The following MYO6 variants were observed in gnomAD, a reference collection of about 807,000 sequenced individuals.
The protein encoded by MYO6 is unconventional myosin-VI.
MYO6 carries 74 observed loss-of-function variants against 178.7 expected under a neutral mutation model. That is an observed-to-expected ratio of 0.41 (90% CI 0.34 to 0.50). MYO6 has a LOEUF of 0.50. Ranked by LOEUF, MYO6 falls within the 20% of genes least tolerant of loss-of-function variation. The probability of loss-of-function intolerance (pLI) is 0.09; values close to 1 mark genes in which losing one functional copy is unlikely to be tolerated. For missense variants in MYO6, 1,330 were observed against 1,547.4 expected (o/e 0.86, Z 2.36); for synonymous variants, 477 against 504.6 (o/e 0.95, Z 0.73).
At chr6:75,888,083 A>T (rs192399716) in intron 25 of MYO6, among the ~76,000 whole-genome samples, 2 of 151,954 alleles carry the variant, frequency 1.3e-5, no homozygotes, top group East Asian at 3.9e-4. Flanking sequence ...TGAGGTCAGG[A>T]GGTTGAGACC....
chr6:75,771,336 G>C lies in MYO6; in HGVS notation c.-48+21913G>C, dbSNP rs531513817. Among the ~76,000 whole-genome samples the C allele has an allele frequency of 7.2e-4, 109 of 152,096 alleles. 3 individuals carry two copies. The Middle Eastern group carries it at 0.017, about 24-fold the overall frequency. On this transcript the variant is annotated intron_variant, in intron 1 of 34. Coordinates refer to ENST00000369977, the MANE Select transcript of MYO6 (RefSeq NM_004999.4). ...TCTTAATAAAAAGGATTCTTCAAAGGGTTTTTTTTAGTGGCCTCCACTAAA... is the reference window on the plus strand; with the variant it reads ...TCTTAATAAAAAGGATTCTTCAAAGCGTTTTTTTTAGTGGCCTCCACTAAA...
intron 23 of MYO6, among the ~76,000 whole-genome samples, chr6:75,883,319 A>G (rs558722988): frequency 7.6e-6 from 1 of 131,198 alleles, no homozygotes; most frequent in East Asian, 2.0e-4. Context: ...AGGCAGTTGC[A>G]TGGAGATAGT....
chr6:75,869,626 T>C (rs1256642341), intron 18 of MYO6, among the ~76,000 whole-genome samples: 5 of 152,126 alleles, frequency 3.3e-5, no homozygotes, highest in Admixed American at 2.6e-4. Context: ...AAAATCCAGA[T>C]AGAAAAATTT....
In MYO6 at chr6:75,830,322, A is replaced by C; in HGVS notation, c.262-94A>C. On this transcript the variant is annotated intron_variant, in intron 4 of 34. Coordinates refer to ENST00000369977, the MANE Select transcript of MYO6 (RefSeq NM_004999.4). ...GGAGTCTTAGTTATATAGATAATTG[A>C]AATTTTTTGTATTTTATTTTTTCTA... The C allele has an allele frequency of 2.5e-6, 3 of 1,222,710 alleles. No individual in the cohort carries two copies. In the South Asian group the frequency reaches 3.9e-5, roughly 16 times the overall value. 75.7% of individuals were successfully genotyped at this position (1,222,710 alleles called of 1,614,324 possible).
chr6:75,867,087 C>T lies in MYO6; in HGVS notation c.1926C>T (p.Ser642=), dbSNP rs184784079. The T allele has an allele frequency of 1.5e-5, 25 of 1,612,940 alleles. No homozygotes were observed. The highest frequency in any genetic ancestry group is 1.3e-4 in the Admixed American group (8 of 59,954). Residue 642 remains serine (S), a synonymous_variant, in exon 18 of 35, where the codon AGC becomes AGT. Transcript: ENST00000369977. The stretch of plus-strand genomic sequence containing the variant: ...AAGCAGGAAAACTTAGCTTCATCAG[C>T]GTGGGAAACAAGTTTAAGGTATTTG... ...KQKAGKLSFI[S]VGNKFKTQLN...
intron 1 of MYO6, among the ~76,000 whole-genome samples, chr6:75,781,074 A>G (rs1480878798): frequency 6.6e-6 from 1 of 152,126 alleles, no homozygotes; most frequent in African/African-American, 2.4e-5. Flanking sequence ...CAGCCTCCCA[A>G]AGTGCTGGGA....
intron 1 of MYO6, among the ~76,000 whole-genome samples, chr6:75,812,660 G>GT (rs34395763): frequency 0.28 from 41,600 of 148,596 alleles, 6,551 homozygotes; most frequent in African/African-American, 0.44. Context: ...AATTGTTTCA[G>GT]TTTTTTTTTT....
intron 18 of MYO6, among the ~76,000 whole-genome samples, chr6:75,869,357 G>T (rs971789004): frequency 4.6e-5 from 7 of 151,992 alleles, no homozygotes; most frequent in African/African-American, 1.4e-4. Flanking sequence ...ATGAAATTTG[G>T]TGTCAGGCCG....
intron 1 of MYO6, among the ~76,000 whole-genome samples, chr6:75,772,273 C>T (rs148614963): frequency 7.0e-4 from 106 of 152,084 alleles, no homozygotes; most frequent in Admixed American, 9.8e-4. Flanking sequence ...ATTCTATGTT[C>T]GGAGATGTAG....
chr6:75,843,142 T>C (rs1401107607), intron 9 of MYO6, among the ~76,000 whole-genome samples: 2 of 152,202 alleles, frequency 1.3e-5, no homozygotes, highest in African/African-American at 4.8e-5. Context: ...AGTGTGTTAG[T>C]GATTTCATCA....
intron 1 of MYO6, among the ~76,000 whole-genome samples, chr6:75,787,112 A>G (rs1583071122): frequency 6.6e-6 from 1 of 152,206 alleles, no homozygotes; most frequent in Non-Finnish European, 1.5e-5. Context: ...AAAGATGCCT[A>G]TGCAATGACA....
chr6:75,801,852 A>G (rs1023421506), intron 1 of MYO6, among the ~76,000 whole-genome samples: 1 of 151,804 alleles, frequency 6.6e-6, no homozygotes, highest in Non-Finnish European at 1.5e-5. Flanking sequence ...GAGGCAGGAG[A>G]ATCACTTGAA....
chr6:75,855,770 C>T (rs1329547152), intron 12 of MYO6, among the ~76,000 whole-genome samples: 2 of 151,966 alleles, frequency 1.3e-5, no homozygotes, highest in Non-Finnish European at 2.9e-5. Flanking sequence ...TAGATTGTAC[C>T]TGGATGTTTT....
At position 75,889,654 on chromosome 6, in the gene MYO6, C is replaced by T. The variant is rs1444116665; in HGVS notation, c.2659-403C>T. Among the ~76,000 whole-genome samples the T allele has an allele frequency of 4.6e-5, 7 of 152,202 alleles. No individual in the cohort carries two copies. In the East Asian group the frequency reaches 1.3e-3, roughly 29 times the overall value. On this transcript the variant is annotated intron_variant, in intron 25 of 34. Coordinates refer to ENST00000369977, the MANE Select transcript of MYO6 (RefSeq NM_004999.4). ...TCTCGAACTCCTGACCTCAGGTGAT[C>T]TGTCCACCTTGGCCTCCCAAAGGGC...
rs2149343993 is a variant in MYO6, at chr6:75,880,103, T to G, written c.2269T>G (p.Phe757Val). 1 of 1,609,468 alleles carries G rather than the reference T, an allele frequency of 6.2e-7. No individual in the cohort carries two copies. The highest frequency in any genetic ancestry group is 8.5e-7 in the Non-Finnish European group (1 of 1,177,822). Residue 757 changes from phenylalanine to valine, a missense_variant, in exon 22 of 35, where the codon TTT becomes GTT. Coordinates refer to ENST00000369977, the MANE Select transcript of MYO6 (RefSeq NM_004999.4). ...NDYKFGLTKV[F>V]FRPGKFAEFD... ...CTACAAGTTTGGGTTAACCAAAGTA[T>G]TTTTTAGACCTGGCAAGGTAAATAT...
intron 3 of MYO6, among the ~76,000 whole-genome samples, chr6:75,823,991 TA>T (rs1772176782): frequency 6.6e-6 from 1 of 152,244 alleles, no homozygotes; most frequent in African/African-American, 2.4e-5. Flanking sequence ...TCTGATTAAA[TA>T]ATACATTTTT....
At chr6:75,848,043 A>T (rs148197836) in intron 10 of MYO6, among the ~76,000 whole-genome samples, 1 of 152,224 alleles carries the variant, frequency 6.6e-6, no homozygotes, top group East Asian at 1.9e-4. Flanking sequence ...TTTTTCTAAT[A>T]TGCTAGGATT....
Position 75,866,971 on chromosome 6 carries a change from T to A in MYO6, c.1810T>A (p.Ser604Thr), listed in dbSNP as rs1007889880. ...GAAAAATAATGATGCTTTACATATG[T>A]CTCTTGAATCCTTAATATGTGAATC... Reference protein sequence around the residue: ...VEKNNDALHMSLESLICESRD... With the variant: ...VEKNNDALHMTLESLICESRD... Residue 604 changes from serine to threonine, a missense_variant, in exon 18 of 35, where the codon TCT (serine) becomes ACT (threonine). Ser to Thr is a moderately conservative substitution (Grantham distance 58, BLOSUM62 1). This residue lies in a region of MYO6 where 613 missense variants were observed against 816.8 expected (regional missense o/e 0.75). Transcript: ENST00000369977. The A allele has an allele frequency of 6.2e-7, 1 of 1,613,972 alleles. No homozygotes were observed.
chr6:75,756,914 CAT>C lies in MYO6; in HGVS notation c.-48+7499_-48+7500del, dbSNP rs1554189698. 1.1e-4 allele frequency among the ~76,000 whole-genome samples: 15 copies of C among 134,092 alleles called. 1 individual carries two copies. Among genetic ancestry groups the C allele is most frequent in the African/African-American group, 4.1e-4 (13 of 31,736 alleles). 88.0% of individuals were successfully genotyped at this position (134,092 alleles called of 152,430 possible). A position where few individuals can be genotyped will look rare whatever the true frequency, so the allele number is the denominator to read the frequency against. ...GTGTGTATATATATATATATATACACATATATATACACACCATATATAGTGTG... is the reference window on the plus strand; with the variant it reads ...GTGTGTATATATATATATATATACACATATATACACACCATATATAGTGTG... On this transcript the variant is annotated intron_variant, in intron 1 of 34. Coordinates refer to ENST00000369977, the MANE Select transcript of MYO6 (RefSeq NM_004999.4).
Sources: gnomAD v4.1 joint callset for allele counts (sites outside exome capture counted in the v4.1 genomes callset) on GRCh38, gnomAD v4.1.1 for gene constraint, gnomAD v4.1.1 regional missense constraint, MANE v1.5 for transcripts, NCBI Gene and HGNC (gene_info 2026-07-23, HGNC 2026-07-21) for gene names.